SRI: variants seen among roughly 807,000 people sequenced by gnomAD.
The protein encoded by SRI is sorcin.
SRI carries 30 observed loss-of-function variants against 33.3 expected under a neutral mutation model. The observed-to-expected ratio is 0.90, with a 90% CI of 0.67 to 1.22. SRI has a LOEUF of 1.22. SRI is among the 50% of genes most tolerant of loss of function. The pLI, the probability that SRI is intolerant of heterozygous loss-of-function variation, is 0.00. For missense variants in SRI, 243 were observed against 250.8 expected (o/e 0.97, Z 0.21); for synonymous variants, 75 against 89.9 (o/e 0.83, Z 0.94).
chr7:88,215,605 G>GTTC (rs1304310849), intron 3 of SRI, among the ~76,000 whole-genome samples: 8 of 152,206 alleles, frequency 5.3e-5, no homozygotes, highest in Admixed American at 5.2e-4. Flanking sequence ...AACTTGAAAG[G>GTTC]TTCTTCGTTT....
chr7:88,223,596 A>T (rs1851936856), upstream of SRI, among the ~76,000 whole-genome samples: 1 of 152,236 alleles, frequency 6.6e-6, no homozygotes, highest in Admixed American at 6.5e-5. Flanking sequence ...AAATGAATGG[A>T]TGTCGCTGGG....
intron 4 of SRI, chr7:88,210,675 C>T (rs1851554487): frequency 1.8e-6 from 1 of 551,462 alleles, no homozygotes; most frequent in Admixed American, 3.1e-5. Context: ...CTGATGTTTC[C>T]TTAAATTCCT....
chr7:88,220,075 C>T (rs1410726084), upstream of SRI: 7 of 1,488,394 alleles, frequency 4.7e-6, no homozygotes, highest in South Asian at 1.3e-5. Context: ...CAGGCCTCTC[C>T]GCCCCCTGCC....
chr7:88,218,707 T>TA (rs1156237288), intron 2 of SRI, 152 bp downstream of exon 2: 9 of 666,920 alleles, frequency 1.3e-5, no homozygotes, highest in Non-Finnish European at 2.3e-5. Context: ...CATTCAGAAA[T>TA]AAAAAACTAA....
upstream of SRI, among the ~76,000 whole-genome samples, chr7:88,223,897 G>A (rs774467490): frequency 3.3e-5 from 5 of 152,094 alleles, no homozygotes; most frequent in East Asian, 1.9e-4. Context: ...TTGTCAGAAC[G>A]ATTTACTAAG....
chr7:88,218,383 T>C (rs1325790829), intron 2 of SRI, among the ~76,000 whole-genome samples: 3 of 152,182 alleles, frequency 2.0e-5, no homozygotes, highest in Non-Finnish European at 4.4e-5. Context: ...GAAACTACAC[T>C]GTTCACAAGA....
Position 88,210,093 on chromosome 7 carries a change from T to C in SRI, c.287A>G (p.Lys96Arg), listed in dbSNP as rs11539556. ...GCCATTCAGTACAGCCCAGAGTTCT[T>C]TAAATTCATTGAAACCCATTGTGCC... ...MSGTMGFNEF[K>R]ELWAVLNGWR... Residue 96 changes from lysine (K) to arginine (R), a missense_variant, in exon 5 of 8, where the codon AAA becomes AGA. Physicochemically the swap from Lys to Arg is conservative, Grantham distance 26. Coordinates refer to ENST00000265729, the MANE Select transcript of SRI (RefSeq NM_003130.4). 1 of 1,614,174 alleles carries C rather than the reference T, an allele frequency of 6.2e-7. No homozygotes were observed. The highest frequency in any genetic ancestry group is 8.5e-7 in the Non-Finnish European group (1 of 1,180,020).
At chr7:88,223,251 T>A (rs1372554585), upstream of SRI, among the ~76,000 whole-genome samples, 1 of 152,156 alleles carries the variant, frequency 6.6e-6, no homozygotes. Context: ...AATAAAAATA[T>A]GCCAGATCCT....
chr7:88,212,047 G>A (rs970750127), intron 3 of SRI, among the ~76,000 whole-genome samples: 3 of 152,258 alleles, frequency 2.0e-5, no homozygotes, highest in Admixed American at 6.5e-5. Flanking sequence ...CAAGGGTCAC[G>A]TGGGAAAAGC....
intron 2 of SRI, among the ~76,000 whole-genome samples, 178 bp from the exon 3 acceptor site, chr7:88,217,369 C>T (rs1223419424): frequency 1.3e-5 from 2 of 152,062 alleles, no homozygotes; most frequent in African/African-American, 2.4e-5. Flanking sequence ...TTTCCTTAAC[C>T]CACTTCCAAA....
chr7:88,224,163 C>T (rs982650209), upstream of SRI, among the ~76,000 whole-genome samples: 6 of 152,220 alleles, frequency 3.9e-5, no homozygotes, highest in African/African-American at 1.4e-4. Context: ...CCAATTAAAG[C>T]TGTGACAGTA....
chr7:88,212,494 G>C (rs1851604004), intron 3 of SRI, among the ~76,000 whole-genome samples: 2 of 152,170 alleles, frequency 1.3e-5, no homozygotes, highest in South Asian at 4.1e-4. Flanking sequence ...CTGCACCATA[G>C]AACAATTAAA....
chr7:88,213,826 C>T (rs1399269549), intron 3 of SRI, among the ~76,000 whole-genome samples: 1 of 152,086 alleles, frequency 6.6e-6, no homozygotes, highest in African/African-American at 2.4e-5. Context: ...TTTACTAATG[C>T]TCAAAAATTA....
At chr7:88,212,441 G>A (rs1851602163) in intron 3 of SRI, among the ~76,000 whole-genome samples, 1 of 152,196 alleles carries the variant, frequency 6.6e-6, no homozygotes, top group Non-Finnish European at 1.5e-5. Flanking sequence ...CTCCACACTT[G>A]TGCTTATCTG....
At chr7:88,219,886 C>T in intron 1 of SRI, 90 bp downstream of exon 1, 1 of 1,456,386 alleles carries the variant, frequency 6.9e-7, no homozygotes. Context: ...CGCCCAGCAG[C>T]GCCTCACCCC....
chr7:88,220,048 G>T (rs769413802), upstream of SRI: 125 of 1,517,220 alleles, frequency 8.2e-5, no homozygotes, highest in African/African-American at 1.7e-3. Flanking sequence ...CGCCGCAGCC[G>T]CCCTCGCCCT....
intron 3 of SRI, among the ~76,000 whole-genome samples, chr7:88,216,314 A>G (rs1251161989): frequency 1.3e-5 from 2 of 151,922 alleles, no homozygotes; most frequent in Non-Finnish European, 2.9e-5. Flanking sequence ...CATTACTCTC[A>G]GCTCATGGCA....
At chr7:88,209,027 C>T in intron 6 of SRI, 1 of 266,098 alleles carries the variant, frequency 3.8e-6, no homozygotes, top group South Asian at 5.8e-5. Flanking sequence ...TCACTCTTTC[C>T]AAATATTTCA....
intron 4 of SRI, chr7:88,210,661 T>C (rs935450610): frequency 1.5e-5 from 8 of 530,320 alleles, no homozygotes; most frequent in Non-Finnish European, 2.7e-5. Flanking sequence ...TGTTCTATAA[T>C]ACTCTGATGT....
Sources: gnomAD v4.1 joint callset for allele counts (sites outside exome capture counted in the v4.1 genomes callset) on GRCh38, gnomAD v4.1.1 for gene constraint, MANE v1.5 for transcripts, NCBI Gene and HGNC (gene_info 2026-07-23, HGNC 2026-07-21) for gene names.